The following R3HDM4 variants were observed in gnomAD, a reference collection of about 807,000 sequenced individuals.
The protein encoded by R3HDM4 is R3H domain containing 4.
In R3HDM4, 30 loss-of-function variants were observed where a neutral mutation model predicts 31.3. The ratio of observed to expected loss-of-function variants is 0.96; its 90% CI spans 0.72 to 1.30. The LOEUF (loss-of-function observed/expected upper bound fraction) is 1.30, where lower values mean the gene tolerates loss of function less well. Among genes scored for constraint, R3HDM4 ranks in the 50% most tolerant of loss-of-function variants. The pLI, the probability that R3HDM4 is intolerant of heterozygous loss-of-function variation, is 0.00. For synonymous variants in R3HDM4, 196 were observed against 156.6 expected (o/e 1.25, Z -1.88); for missense variants, 444 against 366.1 (o/e 1.21, Z -1.74).
chr19:898,859 C>T (rs970933969), intron 7 of R3HDM4, among the ~76,000 whole-genome samples: 10 of 152,256 alleles, frequency 6.6e-5, no homozygotes, highest in African/African-American at 2.2e-4. Context: ...AGGCATCGTC[C>T]GGTTGCCATG....
At chr19:909,521 C>T (rs902344614) in intron 1 of R3HDM4, among the ~76,000 whole-genome samples, 1 of 152,176 alleles carries the variant, frequency 6.6e-6, no homozygotes, top group Non-Finnish European at 1.5e-5. Context: ...GGGTGCCAGG[C>T]GTGGTGGTTC....
chr19:913,053 C>CCCG lies in R3HDM4; in HGVS notation c.71+33_71+34insCGG. ...CAGGGGAGGGAGCCCAGCCCGCCCC[C>CCCG]GGCGCCCGCCGCGCCCCGCCCGCCC... On this transcript the variant is annotated intron_variant, in intron 1 of 7. Coordinates refer to ENST00000361574, the MANE Select transcript of R3HDM4 (RefSeq NM_138774.4). This position sits in a 1 kb window ranked among gnomAD's most constrained non-coding sequence, Gnocchi z 5.0. The CCCG allele has an allele frequency of 1.1e-6, 1 of 934,448 alleles. No individual in the cohort carries two copies. The highest frequency in any genetic ancestry group is 1.3e-6 in the Non-Finnish European group (1 of 771,766). 57.9% of individuals were successfully genotyped at this position (934,448 alleles called of 1,614,324 possible).
chr19:911,665 AGGAAC>A (rs1199492569), intron 1 of R3HDM4, among the ~76,000 whole-genome samples: 1 of 152,192 alleles, frequency 6.6e-6, no homozygotes, highest in African/African-American at 2.4e-5. Context: ...CGGAGGAGGC[AGGAAC>A]GGAACACGCG....
At chr19:908,916 C>G (rs2036938527) in intron 1 of R3HDM4, among the ~76,000 whole-genome samples, 1 of 152,268 alleles carries the variant, frequency 6.6e-6, no homozygotes, top group Admixed American at 6.5e-5. Flanking sequence ...CCCCCCGGTC[C>G]TGGCCTGTGA....
intron 1 of R3HDM4, among the ~76,000 whole-genome samples, chr19:908,888 GC>G (rs1302913753): frequency 6.6e-6 from 1 of 152,012 alleles, no homozygotes; most frequent in Non-Finnish European, 1.5e-5. Flanking sequence ...GACAGGGTCC[GC>G]CCCCCGCCCA....
At chr19:906,055 C>G (rs559898967) in intron 1 of R3HDM4, among the ~76,000 whole-genome samples, 3 of 152,094 alleles carry the variant, frequency 2.0e-5, no homozygotes, top group Non-Finnish European at 4.4e-5. Context: ...GACAGAGTCT[C>G]ACTCTGTCAC....
intron 1 of R3HDM4, among the ~76,000 whole-genome samples, chr19:903,855 C>G (rs35842333): frequency 0.29 from 44,270 of 151,874 alleles, 7,736 homozygotes; most frequent in Non-Finnish European, 0.4. Context: ...TTGAGACCAT[C>G]CCGGCTAACA....
chr19:905,300 C>T (rs1467897608), intron 1 of R3HDM4, among the ~76,000 whole-genome samples: 3 of 151,868 alleles, frequency 2.0e-5, no homozygotes, highest in Non-Finnish European at 4.4e-5. Context: ...AGTTCGAGAC[C>T]ATCCTGACCA....
At chr19:904,518 T>G (rs2036879051) in intron 1 of R3HDM4, among the ~76,000 whole-genome samples, 2 of 152,036 alleles carry the variant, frequency 1.3e-5, no homozygotes, top group South Asian at 4.1e-4. Flanking sequence ...GCTAGGAAAC[T>G]CTAGGCCAGT....
intron 7 of R3HDM4, among the ~76,000 whole-genome samples, chr19:897,864 G>A (rs1024948941): frequency 3.9e-5 from 6 of 152,218 alleles, no homozygotes; most frequent in African/African-American, 1.2e-4. Flanking sequence ...CGGAGTGTCC[G>A]GCCTCCCCTC....
Position 900,849 on chromosome 19 carries a change from C to A in R3HDM4, c.455G>T (p.Arg152Leu). 1.3e-6 allele frequency: 2 copies of A among 1,545,678 alleles called. No homozygotes were observed. The highest frequency in any genetic ancestry group is 1.7e-6 in the Non-Finnish European group (2 of 1,146,486). ...CGCACCTCTCCTCCGGTCCTCCCCA[C>A]GGCCAGGGCCCCTCCTCCGCGCCTT... is the stretch of plus-strand genomic sequence containing the variant. ...RSKARRRGPG[R>L]GEDRRREDPA... is the part of the protein sequence containing the mutation. The change falls in exon 4 of 8, where the codon CGT becomes CTT. Residue 152 changes from arginine (R) to leucine (L), a missense_variant. Coordinates refer to ENST00000361574, the MANE Select transcript of R3HDM4 (RefSeq NM_138774.4).
rs766320763 is a variant in R3HDM4, at chr19:900,839, G to A, written c.465C>T (p.Asp155=). 16 of 1,535,406 alleles carry A rather than the reference G, an allele frequency of 1.0e-5. No individual in the cohort carries two copies. The Admixed American group carries it at 1.6e-4, about 15-fold the overall frequency. Reference sequence around the variant, plus strand: ...CAGCCAGGCCCGCACCTCTCCTCCGGTCCTCCCCACGGCCAGGGCCCCTCC... The same window carrying A: ...CAGCCAGGCCCGCACCTCTCCTCCGATCCTCCCCACGGCCAGGGCCCCTCC... ...ARRRGPGRGE[D]RRREDPAYTP... Residue 155 remains aspartate, a synonymous_variant, in exon 4 of 8, where the codon GAC becomes GAT. Coordinates refer to ENST00000361574, the MANE Select transcript of R3HDM4 (RefSeq NM_138774.4).
At chr19:901,010 C>T in intron 3 of R3HDM4, 58 bp from the exon 4 acceptor site, 1 of 1,503,584 alleles carries the variant, frequency 6.7e-7, no homozygotes, top group Non-Finnish European at 8.9e-7. Flanking sequence ...CGCTGACATC[C>T]CCGGGCAAAT....
At chr19:906,973 G>A (rs1190276539) in intron 1 of R3HDM4, among the ~76,000 whole-genome samples, 6 of 151,920 alleles carry the variant, frequency 3.9e-5, no homozygotes, top group East Asian at 1.9e-4. Context: ...CCACCACCAC[G>A]CCTGGTTAAT....
chr19:899,529 G>T lies in R3HDM4; in HGVS notation c.648-34C>A, dbSNP rs771211914. Reference sequence around the variant, plus strand: ...AACGGGCAGTGAGCGCCGTGCAGGGGCTGCAGCGTGGGGTGTCCGCCCACC... The same window carrying T: ...AACGGGCAGTGAGCGCCGTGCAGGGTCTGCAGCGTGGGGTGTCCGCCCACC... On this transcript the variant is annotated intron_variant, in intron 6 of 7. Coordinates refer to ENST00000361574, the MANE Select transcript of R3HDM4 (RefSeq NM_138774.4). This position sits in a 1 kb window ranked among gnomAD's most constrained non-coding sequence, Gnocchi z 6.8. The T allele has an allele frequency of 1.2e-6, 2 of 1,613,166 alleles. No individual in the cohort carries two copies. The highest frequency in any genetic ancestry group is 1.7e-6 in the Non-Finnish European group (2 of 1,179,650).
In R3HDM4 at chr19:907,556, C is replaced by T. The variant is rs568566364; in HGVS notation, c.72-5426G>A. On this transcript the variant is annotated intron_variant, in intron 1 of 7. Transcript: ENST00000361574. The surrounding 1 kb of genome is among the most constrained non-coding windows in gnomAD (Gnocchi z 4.1). ...GGCTTGGAGAGGTGGGGCTGTCCCCCGTCACCACCCAGACAATGCAAGGAG... is the reference window on the plus strand; with the variant it reads ...GGCTTGGAGAGGTGGGGCTGTCCCCTGTCACCACCCAGACAATGCAAGGAG... Among the ~76,000 whole-genome samples the T allele has an allele frequency of 2.5e-4, 38 of 152,284 alleles. No individual in the cohort carries two copies. In the Middle Eastern group the frequency reaches 0.01, roughly 41 times the overall value.
intron 2 of R3HDM4, 150 bp from the exon 3 acceptor site, chr19:901,696 C>T (rs1397622980): frequency 9.4e-7 from 1 of 1,066,256 alleles, no homozygotes; most frequent in East Asian, 2.5e-5. Flanking sequence ...GTACAGAGAC[C>T]ACCTAGACCC....
At chr19:902,247 C>T (rs1471815) in intron 1 of R3HDM4, 117 bp from the exon 2 acceptor site, 304,439 of 1,124,004 alleles carry the variant, frequency 0.27, 45,780 homozygotes, top group Non-Finnish European at 0.31. Flanking sequence ...CTCACCCCTA[C>T]GGTGTGTGAA....
At chr19:910,410 C>A (rs1409999806) in intron 1 of R3HDM4, among the ~76,000 whole-genome samples, 3 of 151,662 alleles carry the variant, frequency 2.0e-5, no homozygotes, top group Non-Finnish European at 4.4e-5. Context: ...CCTGAGCCCG[C>A]AGGTGGAGGA....
Sources: allele counts gnomAD v4.1 joint callset (sites outside exome capture counted in the v4.1 genomes callset), GRCh38; gene constraint gnomAD v4.1.1; non-coding constraint Gnocchi (gnomAD v3.1); transcripts MANE v1.5; gene names NCBI Gene and HGNC (gene_info 2026-07-23, HGNC 2026-07-21).